Variants in SMAD4 observed in about 807,000 individuals in gnomAD.
The protein encoded by SMAD4 is SMAD family member 4.
In SMAD4, 7 loss-of-function variants were observed where a neutral mutation model predicts 63.2. The observed-to-expected ratio is 0.11, with a 90% CI of 0.06 to 0.21. The LOEUF (loss-of-function observed/expected upper bound fraction) is 0.21, where lower values mean the gene tolerates loss of function less well. SMAD4 is among the 10% of genes least tolerant of loss of function. The pLI, the probability that SMAD4 is intolerant of heterozygous loss-of-function variation, is 1.00. For synonymous variants in SMAD4, 215 were observed against 235.4 expected (o/e 0.91, Z 0.79); for missense variants, 312 against 693.8 (o/e 0.45, Z 6.18).
At chr18:51,077,165 AT>A (rs879683580) in intron 11 of SMAD4, 113 of 153,744 alleles carry the variant, frequency 7.3e-4, no homozygotes, top group African/African-American at 1.1e-3. Context: ...CACTTTTCCA[AT>A]TTTTTTTTTA....
intron 10 of SMAD4, among the ~76,000 whole-genome samples, chr18:51,073,786 C>T (rs1910398684): frequency 6.6e-6 from 1 of 152,042 alleles, no homozygotes; most frequent in Non-Finnish European, 1.5e-5. Context: ...CTGCCTCGGC[C>T]TCCCAAAGTG....
intron 1 of SMAD4, among the ~76,000 whole-genome samples, chr18:51,043,183 T>A (rs534925600): frequency 6.6e-6 from 1 of 152,326 alleles, no homozygotes; most frequent in East Asian, 1.9e-4. Flanking sequence ...TATAAATTAT[T>A]TGTTGGAAAA....
At chr18:51,065,673 G>A in intron 9 of SMAD4, 67 bp downstream of exon 9, 1 of 1,317,544 alleles carries the variant, frequency 7.6e-7, no homozygotes, top group East Asian at 2.3e-5. Context: ...TTTATTCAAG[G>A]TTATGTTTTC....
At position 51,032,549 on chromosome 18, in the gene SMAD4, T is replaced by A. The variant is rs549555875; in HGVS notation, c.-128+1926T>A. Among the ~76,000 whole-genome samples, 3 of 152,336 alleles carry A rather than the reference T, an allele frequency of 2.0e-5. No individual in the cohort carries two copies. In the East Asian group the frequency reaches 5.8e-4, roughly 29 times the overall value. Reference sequence around the variant, plus strand: ...CTGCTTCACTTTCTTAAGCTACATTTTAGTCGAGCGATTGTGTGTGAATTC... The same window carrying A: ...CTGCTTCACTTTCTTAAGCTACATTATAGTCGAGCGATTGTGTGTGAATTC... On this transcript the variant is annotated intron_variant, in intron 1 of 11. Transcript: ENST00000342988.
At chr18:51,061,706 T>A (rs1267096694) in intron 8 of SMAD4, among the ~76,000 whole-genome samples, 2 of 152,346 alleles carry the variant, frequency 1.3e-5, no homozygotes, top group Admixed American at 1.3e-4. Context: ...CTTCATTCTA[T>A]ATTATTTTGA....
chr18:51,069,075 C>T (rs1163542002), intron 10 of SMAD4, among the ~76,000 whole-genome samples: 1 of 152,002 alleles, frequency 6.6e-6, no homozygotes, highest in Non-Finnish European at 1.5e-5. Context: ...TTGTATTTTG[C>T]AGTTTTTTTC....
chr18:51,033,459 G>C (rs910978896), intron 1 of SMAD4, among the ~76,000 whole-genome samples: 3 of 152,126 alleles, frequency 2.0e-5, no homozygotes, highest in African/African-American at 4.8e-5. Flanking sequence ...CAAAGTGCTG[G>C]GATTACAGGC....
intron 1 of SMAD4, among the ~76,000 whole-genome samples, chr18:51,043,159 A>AT (rs1909439507): frequency 1.3e-5 from 2 of 152,212 alleles, no homozygotes; most frequent in African/African-American, 4.8e-5. Context: ...GTTTCAGTAA[A>AT]GCTAAGGTGG....
At chr18:51,072,159 A>G (rs1910334068) in intron 10 of SMAD4, among the ~76,000 whole-genome samples, 1 of 152,232 alleles carries the variant, frequency 6.6e-6, no homozygotes, top group African/African-American at 2.4e-5. Context: ...AAACTTTTTG[A>G]GAAACTGATA....
chr18:51,055,646 T>C (rs1419895564), intron 5 of SMAD4, among the ~76,000 whole-genome samples: 8 of 152,136 alleles, frequency 5.3e-5, no homozygotes, highest in Non-Finnish European at 1.2e-4. Context: ...CTGTTACTTA[T>C]TTTCACAGTA....
In SMAD4 at chr18:51,083,422, T is replaced by C. The variant is rs1369008381; in HGVS notation, c.*4955T>C. 4.4e-6 allele frequency: 1 copy of C among 229,228 alleles called. No individual in the cohort carries two copies. The highest frequency in any genetic ancestry group is 8.6e-6 in the Non-Finnish European group (1 of 115,682). 14.2% of individuals were successfully genotyped at this position (229,228 alleles called of 1,614,324 possible). A position where few individuals can be genotyped will look rare whatever the true frequency, so the allele number is the denominator to read the frequency against. On this transcript the variant is annotated 3_prime_UTR_variant, in exon 12 of 12. Coordinates refer to ENST00000342988, the MANE Select transcript of SMAD4 (RefSeq NM_005359.6). ...GTTTTCAGGGATTTTAACATCAGAC[T>C]GGAATGAATGAATGAAACTTTTTGT...
At position 51,058,167 on chromosome 18, in the gene SMAD4, T is replaced by C; in HGVS notation, c.710T>C (p.Leu237Pro). 6.2e-7 allele frequency: 1 copy of C among 1,614,222 alleles called. No homozygotes were observed. The highest frequency in any genetic ancestry group is 8.5e-7 in the Non-Finnish European group (1 of 1,180,032). Residue 237 changes from leucine to proline, a missense_variant, in exon 6 of 12, where the codon CTG becomes CCG. Transcript: ENST00000342988. ...SILGGSHSEGLLQIASGPQPG... is the reference protein window; with the variant it reads ...SILGGSHSEGPLQIASGPQPG... ...CTGGGGGGCAGCCATAGTGAAGGAC[T>C]GTTGCAGATAGCATCAGGGCCTCAG...
intron 1 of SMAD4, among the ~76,000 whole-genome samples, chr18:51,031,737 C>CG (rs1909057028): frequency 7.4e-6 from 1 of 134,498 alleles, no homozygotes; most frequent in African/African-American, 2.7e-5. Context: ...CATTTAGTAT[C>CG]AAAAAAAAAA....
chr18:51,063,104 G>A (rs1446317236), intron 8 of SMAD4, among the ~76,000 whole-genome samples: 5 of 150,732 alleles, frequency 3.3e-5, no homozygotes, highest in African/African-American at 1.2e-4. Context: ...TGCCCGCCTC[G>A]GCCTCCCAAA....
At chr18:51,077,703 C>T (rs1018495890) in intron 11 of SMAD4, among the ~76,000 whole-genome samples, 6 of 152,144 alleles carry the variant, frequency 3.9e-5, no homozygotes, top group African/African-American at 1.4e-4. Flanking sequence ...CATGCTTTTA[C>T]TGAAGAATCC....
chr18:51,067,384 T>C (rs1436208500), intron 10 of SMAD4, among the ~76,000 whole-genome samples, 197 bp downstream of exon 10: 1 of 152,026 alleles, frequency 6.6e-6, no homozygotes, highest in Non-Finnish European at 1.5e-5. Context: ...GCCAATTTGT[T>C]ACATTTTGTT....
At chr18:51,071,467 G>A (rs1024207731) in intron 10 of SMAD4, among the ~76,000 whole-genome samples, 9 of 152,088 alleles carry the variant, frequency 5.9e-5, no homozygotes, top group African/African-American at 2.2e-4. Flanking sequence ...AAAATCTGAT[G>A]TAATGAAATG....
rs200717327 is a variant in SMAD4 at position 51,054,896 on chromosome 18, A to G, written c.570A>G (p.Ala190=). Residue 190 remains alanine, a synonymous_variant, in exon 5 of 12, where the codon GCA becomes GCG. Transcript: ENST00000342988. ...QTIQHPPSNR[A]STETYSTPAL... Reference sequence around the variant, plus strand: ...TCCAGCATCCACCAAGTAATCGTGCATCGACAGAGACATACAGCACCCCAG... The same window carrying G: ...TCCAGCATCCACCAAGTAATCGTGCGTCGACAGAGACATACAGCACCCCAG... 1 of 1,614,168 alleles carries G rather than the reference A, an allele frequency of 6.2e-7. No individual in the cohort carries two copies. The highest frequency in any genetic ancestry group is 8.5e-7 in the Non-Finnish European group (1 of 1,179,980).
At chr18:51,031,666 T>A (rs1909053871) in intron 1 of SMAD4, among the ~76,000 whole-genome samples, 1 of 152,112 alleles carries the variant, frequency 6.6e-6, no homozygotes, top group Non-Finnish European at 1.5e-5. Flanking sequence ...CTAGTCTTAG[T>A]AGCAGCTTGG....
Sources: allele counts gnomAD v4.1 joint callset (sites outside exome capture counted in the v4.1 genomes callset), GRCh38; gene constraint gnomAD v4.1.1; transcripts MANE v1.5; gene names NCBI Gene and HGNC (gene_info 2026-07-23, HGNC 2026-07-21).